The following ESRRG variants were observed in gnomAD, a reference collection of about 807,000 sequenced individuals.
The protein encoded by ESRRG is estrogen-related receptor gamma.
In ESRRG, 13 loss-of-function variants were observed where a neutral mutation model predicts 44.0. The observed-to-expected ratio is 0.30, with a 90% confidence interval of 0.19 to 0.47. The LOEUF is 0.47. Among genes scored for constraint, ESRRG ranks in the 20% least tolerant of loss-of-function variants. The pLI, the probability that ESRRG is intolerant of heterozygous loss-of-function variation, is 1.00. For synonymous variants in ESRRG, 215 were observed against 214.6 expected (o/e 1.00, Z -0.02); for missense variants, 395 against 580.6 (o/e 0.68, Z 3.29).
intron 3 of ESRRG, among the ~76,000 whole-genome samples, chr1:216,593,659 G>A (rs2058027670): frequency 6.6e-6 from 1 of 152,206 alleles, no homozygotes; most frequent in South Asian, 2.1e-4. Context: ...GCTGGCAAAT[G>A]TTAAGTCAAA....
At chr1:216,976,419 A>G (rs1040959766) in intron 1 of ESRRG, among the ~76,000 whole-genome samples, 1 of 152,060 alleles carries the variant, frequency 6.6e-6, no homozygotes, top group Non-Finnish European at 1.5e-5. Context: ...ACACTACTCC[A>G]TGAGGTTGCA....
chr1:216,998,780 A>G (rs1300869731), intron 1 of ESRRG, among the ~76,000 whole-genome samples: 1 of 152,256 alleles, frequency 6.6e-6, no homozygotes. Flanking sequence ...AGAAGAATAT[A>G]AATGGATTTA....
chr1:217,098,651 G>C (rs1491000598), intron 1 of ESRRG, among the ~76,000 whole-genome samples: 1 of 152,184 alleles, frequency 6.6e-6, no homozygotes, highest in African/African-American at 2.4e-5. Context: ...GGGTGGAAGG[G>C]AGGGAGGGAA....
At chr1:216,679,632 TC>T in intron 1 of ESRRG, among the ~76,000 whole-genome samples, 1 of 107,230 alleles carries the variant, frequency 9.3e-6, no homozygotes, top group East Asian at 2.3e-4. Context: ...ATTTTTTTTT[TC>T]TTTTTTTTTT....
chr1:216,543,788 G>T (rs2053617821), intron 5 of ESRRG, among the ~76,000 whole-genome samples: 1 of 151,948 alleles, frequency 6.6e-6, no homozygotes, highest in African/African-American at 2.4e-5. Flanking sequence ...ACAAGTAGAA[G>T]TTACTAACAT....
intron 3 of ESRRG, among the ~76,000 whole-genome samples, chr1:216,585,787 T>C (rs528218513): frequency 4.6e-4 from 70 of 152,318 alleles, no homozygotes; most frequent in African/African-American, 1.6e-3. Flanking sequence ...AAGTTACTTT[T>C]CCCAGCATTT....
chr1:216,834,307 G>A (rs543316206), intron 2 of ESRRG, among the ~76,000 whole-genome samples: 15 of 152,136 alleles, frequency 9.9e-5, no homozygotes, highest in East Asian at 9.7e-4. Flanking sequence ...AGGTTGAGGC[G>A]GGAAGATCAC....
intron 5 of ESRRG, among the ~76,000 whole-genome samples, chr1:216,551,653 A>T (rs1359407260): frequency 1.3e-5 from 2 of 151,998 alleles, no homozygotes; most frequent in Non-Finnish European, 2.9e-5. Flanking sequence ...GATTATTCAC[A>T]AGCTAATTTT....
At chr1:216,669,349 G>A (rs2074666613) in intron 2 of ESRRG, among the ~76,000 whole-genome samples, 2 of 152,004 alleles carry the variant, frequency 1.3e-5, no homozygotes, top group African/African-American at 4.8e-5. Flanking sequence ...GTCAAAACCA[G>A]GAGAAGAAAA....
chr1:216,715,246 A>G (rs561593242), intron 1 of ESRRG: 10 of 985,192 alleles, frequency 1.0e-5, no homozygotes, highest in Non-Finnish European at 1.1e-5. Context: ...GGTCTCATTC[A>G]AGTCTATGGA....
At chr1:217,005,787 T>TCGC (rs1330733774) in intron 1 of ESRRG, among the ~76,000 whole-genome samples, 23 of 152,240 alleles carry the variant, frequency 1.5e-4, no homozygotes, top group Non-Finnish European at 2.6e-4. Context: ...TTCTCTCTTC[T>TCGC]TTTTTTCTAA....
chr1:217,041,770 A>C (rs2151134626), intron 1 of ESRRG, among the ~76,000 whole-genome samples: 1 of 152,342 alleles, frequency 6.6e-6, no homozygotes, highest in Middle Eastern at 3.4e-3. Context: ...TTAGTTTCCT[A>C]CAGAATCATC....
At chr1:216,677,606 G>C in intron 1 of ESRRG, 115 bp from the exon 2 acceptor site, 3 of 887,878 alleles carry the variant, frequency 3.4e-6, no homozygotes, top group Non-Finnish European at 5.0e-6. Context: ...AAAGGGAAAG[G>C]TAAAAGGAGG....
At chr1:216,569,092 GGAAGGAAGGAAGGAAGGAA>G (rs1441158477) in intron 3 of ESRRG, among the ~76,000 whole-genome samples, 5 of 78,956 alleles carry the variant, frequency 6.3e-5, no homozygotes, top group Non-Finnish European at 1.0e-4. Context: ...AAGGAAGGAA[GGAAGGAAGGAAGGAAGGAA>G]GAAGGAAGGA....
At chr1:216,510,206 AG>A (rs1476431617) in intron 6 of ESRRG, among the ~76,000 whole-genome samples, 1 of 152,200 alleles carries the variant, frequency 6.6e-6, no homozygotes, top group African/African-American at 2.4e-5. Context: ...CTAGGACATC[AG>A]CATTGCTGAA....
intron 1 of ESRRG, among the ~76,000 whole-genome samples, chr1:216,702,401 C>T (rs528717252): frequency 1.3e-5 from 2 of 152,114 alleles, no homozygotes; most frequent in African/African-American, 4.8e-5. Flanking sequence ...AAAATAAACC[C>T]ACTCTAGACT....
At chr1:216,539,370 G>T (rs1045454886) in intron 5 of ESRRG, among the ~76,000 whole-genome samples, 7 of 151,846 alleles carry the variant, frequency 4.6e-5, no homozygotes, top group Admixed American at 1.3e-4. Context: ...ATTTTCGTTT[G>T]GTTGCTTAGT....
Position 216,739,382 on chromosome 1 carries a change from A to C in ESRRG, c.-13-61891T>G, listed in dbSNP as rs1575978319. On this transcript the variant is annotated intron_variant, in intron 2 of 7. Transcript: ENST00000359162. ...CAAAACAAAGACAACTCCTACACAT[A>C]AACTATCTTCTGTGATCTTTTGGAC... Among the ~76,000 whole-genome samples, 4 of 152,314 alleles carry C rather than the reference A, an allele frequency of 2.6e-5. No homozygotes were observed. The South Asian group carries it at 8.3e-4, about 32-fold the overall frequency.
intron 2 of ESRRG, among the ~76,000 whole-genome samples, chr1:216,885,898 C>T (rs1400435558): frequency 1.3e-5 from 2 of 151,964 alleles, no homozygotes. Context: ...TCAACCACTA[C>T]TCGTTAAGGC....
Sources: allele counts gnomAD v4.1 joint callset (sites outside exome capture counted in the v4.1 genomes callset), GRCh38; gene constraint gnomAD v4.1.1; transcripts MANE v1.5; gene names NCBI Gene and HGNC (gene_info 2026-07-23, HGNC 2026-07-21).